Variants in PLAU observed in about 807,000 individuals in gnomAD.
The protein encoded by PLAU is plasminogen activator, urokinase.
PLAU carries 32 observed loss-of-function variants against 48.9 expected under a neutral mutation model. The observed-to-expected ratio is 0.65, with a 90% confidence interval of 0.49 to 0.88. The LOEUF is 0.88. PLAU is among the 40% of genes least tolerant of loss of function. PLAU has a pLI of 0.00. For synonymous variants in PLAU, 199 were observed against 205.7 expected (o/e 0.97, Z 0.28); for missense variants, 455 against 545.2 (o/e 0.83, Z 1.65).
chr10:73,912,831 C>A, intron 4 of PLAU, 93 bp from the exon 5 acceptor site: 2 of 981,742 alleles, frequency 2.0e-6, no homozygotes, highest in Non-Finnish European at 3.0e-6. Flanking sequence ...AACTGGGCGA[C>A]AGAGCAAGAC....
intron 8 of PLAU, 82 bp from the exon 9 acceptor site, chr10:73,914,694 C>G: frequency 7.1e-7 from 1 of 1,402,918 alleles, no homozygotes; most frequent in South Asian, 1.3e-5. Flanking sequence ...GGCATAGCTA[C>G]TTCCTCGGCA....
In PLAU at chr10:73,913,614, TTA is replaced by T. The variant is rs1190953411; in HGVS notation, c.538_539del (p.Ile180TrpfsTer48). 4 of 1,613,834 alleles carry T rather than the reference TTA, an allele frequency of 2.5e-6. No homozygotes were observed. Among genetic ancestry groups the T allele is most frequent in the Non-Finnish European group, 3.4e-6 (4 of 1,179,892 alleles). ...AAGACTCTGAGGCCCCGCTTTAAGA[TTA>T]TTGGGGGAGAATTCACCACCATCGA... On this transcript the variant is annotated frameshift_variant, in exon 7 of 11. Coordinates refer to ENST00000372764, the MANE Select transcript of PLAU (RefSeq NM_002658.6). LOFTEE classifies it high-confidence loss of function.
chr10:73,911,830 C>CCT, intron 2 of PLAU: 1 of 1,552,026 alleles, frequency 6.4e-7, no homozygotes, highest in Non-Finnish European at 8.7e-7. Context: ...ACTGCCCCAG[C>CCT]CTGCGGGCAT....
At chr10:73,915,520 C>A (rs998659276) in intron 10 of PLAU, 121 bp downstream of exon 10, 3 of 955,720 alleles carry the variant, frequency 3.1e-6, no homozygotes, top group Non-Finnish European at 4.6e-6. Flanking sequence ...GAATCAGGAG[C>A]TCAGGTCTTT....
In PLAU at chr10:73,916,837, C is replaced by A. The variant is rs1488093168; in HGVS notation, c.*272C>A. 109 of 423,254 alleles carry A rather than the reference C, an allele frequency of 2.6e-4. No individual in the cohort carries two copies. The East Asian group carries it at 4.4e-3, about 17-fold the overall frequency. The allele number at this position is 423,254 out of a possible 1,614,324, so 26.2% of individuals were successfully genotyped here. ...AACTTGTCTTTTTCTGGACTGAAGC[C>A]TGCAGGAGTTAAAAAGGGCAGGGCA... On this transcript the variant is annotated 3_prime_UTR_variant, in exon 11 of 11. Transcript: ENST00000372764.
intron 7 of PLAU, 31 bp from the exon 8 acceptor site, chr10:73,913,949 T>G: frequency 6.2e-7 from 1 of 1,606,086 alleles, no homozygotes; most frequent in East Asian, 2.2e-5. Flanking sequence ...TTCATGGGAC[T>G]AAGCTGTTTG....
rs1180530656 is a variant in PLAU at position 73,917,392 on chromosome 10, G to A, written c.*827G>A. On this transcript the variant is annotated 3_prime_UTR_variant, in exon 11 of 11. Transcript: ENST00000372764. ...TAGTTCATCCAATCCTCACTGGGTGGGGTGAGGACCACTCCTGTACACTGA... is the reference window on the plus strand; with the variant it reads ...TAGTTCATCCAATCCTCACTGGGTGAGGTGAGGACCACTCCTGTACACTGA... The A allele has an allele frequency of 7.7e-6, 1 of 129,112 alleles. No individual in the cohort carries two copies. The highest frequency in any genetic ancestry group is 2.8e-5 in the African/African-American group (1 of 35,900). 8.0% of individuals were successfully genotyped at this position (129,112 alleles called of 1,614,324 possible).
At chr10:73,915,135 C>A in intron 9 of PLAU, 116 bp from the exon 10 acceptor site, 1 of 1,190,410 alleles carries the variant, frequency 8.4e-7, no homozygotes. Flanking sequence ...CTCAGATTTG[C>A]ATGGAAGAGA....
At chr10:73,914,156 G>A (rs759612977) in intron 8 of PLAU, 28 bp downstream of exon 8, 7 of 1,611,900 alleles carry the variant, frequency 4.3e-6, no homozygotes, top group South Asian at 1.1e-5. Context: ...GACTACTGTG[G>A]CCATAATGGC....
In PLAU at chr10:73,913,604, C is replaced by T. The variant is rs752785511; in HGVS notation, c.526C>T (p.Arg176Cys). 7.1e-5 allele frequency: 114 copies of T among 1,613,892 alleles called. No individual in the cohort carries two copies. The highest frequency in any genetic ancestry group is 9.2e-5 in the Non-Finnish European group (108 of 1,179,992). Residue 176 changes from arginine (R) to cysteine (C), a missense_variant, in exon 7 of 11, where the codon CGC (arginine) becomes TGC (cysteine). Transcript: ENST00000372764. Reference protein sequence around the residue: ...FQCGQKTLRPRFKIIGGEFTT... With the variant: ...FQCGQKTLRPCFKIIGGEFTT... Reference sequence around the variant, plus strand: ...GTGTGGCCAAAAGACTCTGAGGCCCCGCTTTAAGATTATTGGGGGAGAATT... The same window carrying T: ...GTGTGGCCAAAAGACTCTGAGGCCCTGCTTTAAGATTATTGGGGGAGAATT...
chr10:73,908,848 A>T (rs1247326331), upstream of PLAU, among the ~76,000 whole-genome samples: 1 of 119,870 alleles, frequency 8.3e-6, no homozygotes, highest in East Asian at 2.2e-4. Flanking sequence ...ACAGACCGAG[A>T]CTCCGTCTCA....
At chr10:73,913,267 C>T (rs1267107895) in intron 5 of PLAU, 23 bp from the exon 6 acceptor site, 1 of 1,612,226 alleles carries the variant, frequency 6.2e-7, no homozygotes, top group Non-Finnish European at 8.5e-7. Flanking sequence ...GGAATGACAT[C>T]CCCTATCTTT....
chr10:73,911,904 T>G, intron 2 of PLAU, 137 bp from the exon 3 acceptor site: 1 of 1,579,922 alleles, frequency 6.3e-7, no homozygotes, highest in East Asian at 2.3e-5. Context: ...GGTCTTCCAT[T>G]TGAGAACTAG....
At position 73,914,140 on chromosome 10, in the gene PLAU, C is replaced by A. The variant is rs375246282; in HGVS notation, c.829+12C>A. 6 of 1,613,442 alleles carry A rather than the reference C, an allele frequency of 3.7e-6. No individual in the cohort carries two copies. In the African/African-American group the frequency reaches 6.7e-5, roughly 18 times the overall value. On this transcript the variant is annotated intron_variant, in intron 8 of 10. Transcript: ENST00000372764. ...CCACAACGACATTGGTGAGGGGGAA[C>A]CCCGCGACTACTGTGGCCATAATGG...
In PLAU at chr10:73,911,555, C is replaced by A; in HGVS notation, c.-1C>A. ...CCGTCTAGCGCCCCGACCTCGCCACCATGAGAGCCCTGCTGGCGCGCCTGC... is the reference window on the plus strand; with the variant it reads ...CCGTCTAGCGCCCCGACCTCGCCACAATGAGAGCCCTGCTGGCGCGCCTGC... On this transcript the variant is annotated 5_prime_UTR_variant, in exon 2 of 11. Coordinates refer to ENST00000372764, the MANE Select transcript of PLAU (RefSeq NM_002658.6). 6.2e-7 allele frequency: 1 copy of A among 1,612,670 alleles called. No homozygotes were observed. Among genetic ancestry groups the A allele is most frequent in the Non-Finnish European group, 8.5e-7 (1 of 1,179,984 alleles).
At chr10:73,915,571 C>CA (rs1168803226) in intron 10 of PLAU, among the ~76,000 whole-genome samples, 172 bp downstream of exon 10, 2 of 152,010 alleles carry the variant, frequency 1.3e-5, no homozygotes, top group African/African-American at 2.4e-5. Context: ...CAGACATTAC[C>CA]AAAAAAATCC....
upstream of PLAU, among the ~76,000 whole-genome samples, chr10:73,909,748 G>A (rs2096120736): frequency 6.6e-6 from 1 of 152,204 alleles, no homozygotes. Context: ...CTGGGACTCA[G>A]CCTCCTCCTT....
In PLAU at chr10:73,915,400, G is replaced by T. The variant is rs752626889; in HGVS notation, c.1119+1G>T. 1.2e-6 allele frequency: 2 copies of T among 1,601,954 alleles called. No individual in the cohort carries two copies. Among genetic ancestry groups the T allele is most frequent in the African/African-American group, 1.3e-5 (1 of 74,494 alleles). On this transcript the variant is annotated splice_donor_variant, in intron 10 of 10. Transcript: ENST00000372764. LOFTEE classifies it high-confidence loss of function. ...ACAGTGGAAAACAGATTCCTGCCAG[G>T]TGAGTGTTCCAAGCATCTCTCTCCA... is the stretch of plus-strand genomic sequence containing the variant.
At chr10:73,912,344 CT>C in intron 4 of PLAU, 22 bp downstream of exon 4, 3 of 883,438 alleles carry the variant, frequency 3.4e-6, no homozygotes, top group Non-Finnish European at 5.1e-6. Flanking sequence ...TCCACTGCAA[CT>C]GGGAGAGAAA....
Sources: allele counts gnomAD v4.1 joint callset (sites outside exome capture counted in the v4.1 genomes callset), GRCh38; gene constraint gnomAD v4.1.1; transcripts MANE v1.5; gene names NCBI Gene and HGNC (gene_info 2026-07-23, HGNC 2026-07-21).